The following BAZ1A variants were observed in gnomAD, a reference collection of about 807,000 sequenced individuals.
The protein encoded by BAZ1A is bromodomain adjacent to zinc finger domain protein 1A.
Under a neutral mutation model 185.2 loss-of-function variants are expected in BAZ1A, and 50 were observed. The observed-to-expected ratio is 0.27, with a 90% CI of 0.22 to 0.34. BAZ1A has a LOEUF of 0.34. BAZ1A is among the 10% of genes least tolerant of loss of function. The pLI, the probability that BAZ1A is intolerant of heterozygous loss-of-function variation, is 1.00. For missense variants in BAZ1A, 1,356 were observed against 1,839.9 expected (o/e 0.74, Z 4.81); for synonymous variants, 571 against 615.6 (o/e 0.93, Z 1.07).
chr14:34,860,906 A>G (rs1272465355), intron 3 of BAZ1A, among the ~76,000 whole-genome samples: 1 of 152,200 alleles, frequency 6.6e-6, no homozygotes. Context: ...CTCAAAAAAA[A>G]AAGAACTTAA....
chr14:34,852,875 C>T (rs2042618534), intron 3 of BAZ1A, among the ~76,000 whole-genome samples: 1 of 152,092 alleles, frequency 6.6e-6, no homozygotes, highest in Admixed American at 6.6e-5. Context: ...ACCAAGAGCA[C>T]AGTGAAAGAA....
chr14:34,835,949 C>T lies in BAZ1A; in HGVS notation c.393-9793G>A, dbSNP rs142783707. 4.1e-3 allele frequency among the ~76,000 whole-genome samples: 619 copies of T among 151,762 alleles called. 10 individuals are homozygous for T. The East Asian group carries it at 0.046, about 11-fold the overall frequency. On this transcript the variant is annotated intron_variant, in intron 3 of 26. Transcript: ENST00000360310. ...GCCTCCCAAAGTGTTGGATTACAGG[C>T]GTGAGCCACTGCGCCCAGCTGGAAA...
rs764052994 is a variant in BAZ1A, at chr14:34,761,884, G to C, written c.4116C>G (p.Pro1372=). ...CAATGACTCTGAAGTTAGGGAAGTTGGGACTATTTTCTGGTGTATTATTAG... is the reference window on the plus strand; with the variant it reads ...CAATGACTCTGAAGTTAGGGAAGTTCGGACTATTTTCTGGTGTATTATTAG... ...KSANNTPENS[P]NFPNFRVIAT... The change falls in exon 24 of 27, where the codon CCC becomes CCG. Residue 1372 remains proline (P), a synonymous_variant. Coordinates refer to ENST00000360310, the MANE Select transcript of BAZ1A (RefSeq NM_013448.3). 1.9e-6 allele frequency: 3 copies of C among 1,614,180 alleles called. No homozygotes were observed. The highest frequency in any genetic ancestry group is 2.5e-6 in the Non-Finnish European group (3 of 1,180,030).
intron 3 of BAZ1A, among the ~76,000 whole-genome samples, chr14:34,828,012 C>T (rs1335899016): frequency 6.6e-6 from 1 of 151,560 alleles, no homozygotes; most frequent in Admixed American, 6.6e-5. Flanking sequence ...ATTCCTTAAT[C>T]GGCCGGGTGT....
intron 3 of BAZ1A, among the ~76,000 whole-genome samples, chr14:34,836,413 A>C (rs201531037): frequency 4.2e-5 from 1 of 23,554 alleles, no homozygotes; most frequent in East Asian, 7.6e-4. Context: ...AAAAAAAAAA[A>C]AAAAAACTTT....
At chr14:34,835,668 T>C (rs1425936887) in intron 3 of BAZ1A, among the ~76,000 whole-genome samples, 2 of 150,474 alleles carry the variant, frequency 1.3e-5, no homozygotes, top group Non-Finnish European at 3.0e-5. Context: ...AACATGGAAA[T>C]AGTTTTTTTT....
intron 9 of BAZ1A, among the ~76,000 whole-genome samples, chr14:34,796,215 G>A (rs1881191825): frequency 6.7e-6 from 1 of 148,310 alleles, no homozygotes; most frequent in African/African-American, 2.4e-5. Context: ...GAGCGTGGTG[G>A]CATGCACCTG....
intron 4 of BAZ1A, among the ~76,000 whole-genome samples, chr14:34,812,323 G>C (rs2041942000): frequency 6.6e-6 from 1 of 152,168 alleles, no homozygotes; most frequent in Non-Finnish European, 1.5e-5. Context: ...CCCTGAGGTG[G>C]AAGGAGGCAT....
chr14:34,820,154 G>A (rs1385481321), intron 4 of BAZ1A, among the ~76,000 whole-genome samples: 2 of 116,386 alleles, frequency 1.7e-5, no homozygotes, highest in Middle Eastern at 6.4e-3. Flanking sequence ...TTGAGACAGG[G>A]TCTGGCTTTG....
chr14:34,791,846 G>C (rs943617271), intron 12 of BAZ1A, among the ~76,000 whole-genome samples: 14 of 152,084 alleles, frequency 9.2e-5, no homozygotes, highest in African/African-American at 3.1e-4. Flanking sequence ...CTATGACTGA[G>C]GTAAATCCTA....
chr14:34,801,143 A>G lies in BAZ1A; in HGVS notation c.912T>C (p.Ala304=). ...TCAAAAGTTTATCTCTTTCTTTAGT[A>G]GCTTTGCTCCTATAACTTGCAAGAG... The part of the protein sequence containing the change: ...KQTLASYRSK[A]TKERDKLLKQ... The change falls in exon 8 of 27, where the codon GCT becomes GCC. Residue 304 remains alanine (A), a synonymous_variant. Coordinates refer to ENST00000360310, the MANE Select transcript of BAZ1A (RefSeq NM_013448.3). 2 of 1,605,434 alleles carry G rather than the reference A, an allele frequency of 1.2e-6. No individual in the cohort carries two copies. The highest frequency in any genetic ancestry group is 1.7e-6 in the Non-Finnish European group (2 of 1,177,706).
In BAZ1A at chr14:34,807,437, C is replaced by A; in HGVS notation, c.726+14G>T. 6.4e-7 allele frequency: 1 copy of A among 1,560,636 alleles called. No homozygotes were observed. The highest frequency in any genetic ancestry group is 8.8e-7 in the Non-Finnish European group (1 of 1,137,358). ...TTTTCTGTCTTCCAACAAATAATTT[C>A]ATTATTTGATTACCTTTATTTTAAT... is the stretch of plus-strand genomic sequence containing the variant. On this transcript the variant is annotated intron_variant, in intron 6 of 26. Transcript: ENST00000360310.
intron 21 of BAZ1A, among the ~76,000 whole-genome samples, chr14:34,765,482 C>T (rs886152214): frequency 3.3e-5 from 5 of 152,166 alleles, no homozygotes; most frequent in South Asian, 2.1e-4. Context: ...TACTTAAATT[C>T]ATAAATCAAA....
At chr14:34,775,791 G>C in intron 18 of BAZ1A, 128 bp downstream of exon 18, 1 of 703,454 alleles carries the variant, frequency 1.4e-6, no homozygotes, top group South Asian at 2.0e-5. Context: ...CAAACTAAAA[G>C]GACAGCCTAA....
chr14:34,849,846 A>T (rs2042570631), intron 3 of BAZ1A, among the ~76,000 whole-genome samples: 1 of 152,166 alleles, frequency 6.6e-6, no homozygotes, highest in African/African-American at 2.4e-5. Flanking sequence ...ACCTTCTACC[A>T]CATATTGCTT....
At chr14:34,824,389 A>AAG (rs2042132224) in intron 4 of BAZ1A, among the ~76,000 whole-genome samples, 1 of 122,670 alleles carries the variant, frequency 8.2e-6, no homozygotes, top group Admixed American at 1.0e-4. Context: ...AAAAAAAAAA[A>AAG]AAAAAAAAAG....
At chr14:34,773,334 C>CT (rs1442015922) in intron 20 of BAZ1A, among the ~76,000 whole-genome samples, 1 of 151,302 alleles carries the variant, frequency 6.6e-6, no homozygotes, top group Non-Finnish European at 1.5e-5. Context: ...AAAAAAAAAA[C>CT]TTTAAGAAAT....
intron 3 of BAZ1A, among the ~76,000 whole-genome samples, chr14:34,855,989 C>A (rs967924542): frequency 6.6e-6 from 1 of 152,152 alleles, no homozygotes; most frequent in Admixed American, 6.5e-5. Context: ...CAGAAACATA[C>A]TTGTAGCAGT....
intron 12 of BAZ1A, among the ~76,000 whole-genome samples, chr14:34,791,893 A>T (rs2138632178): frequency 6.6e-6 from 1 of 152,310 alleles, no homozygotes; most frequent in East Asian, 1.9e-4. Flanking sequence ...AAAATATGAA[A>T]AGGTTTGCCT....
Sources: allele counts gnomAD v4.1 joint callset (sites outside exome capture counted in the v4.1 genomes callset), GRCh38; gene constraint gnomAD v4.1.1; transcripts MANE v1.5; gene names NCBI Gene and HGNC (gene_info 2026-07-23, HGNC 2026-07-21).